The following CNBD1 variants were observed in gnomAD, a reference collection of about 807,000 sequenced individuals.
CNBD1 encodes cyclic nucleotide binding domain containing 1.
CNBD1 carries 71 observed loss-of-function variants against 54.4 expected under a neutral mutation model. The ratio of observed to expected loss-of-function variants is 1.30; its 90% CI spans 1.08 to 1.59. The LOEUF is 1.59. Ranked by LOEUF, CNBD1 falls within the 40% of genes most tolerant of loss-of-function variation. CNBD1 has a pLI of 0.00. For missense variants in CNBD1, 659 were observed against 518.0 expected (o/e 1.27, Z -2.64); for synonymous variants, 182 against 170.7 (o/e 1.07, Z -0.51).
chr8:87,341,224 T>G (rs1810057206), intron 8 of CNBD1, among the ~76,000 whole-genome samples: 2 of 152,096 alleles, frequency 1.3e-5, no homozygotes, highest in Admixed American at 1.3e-4. Context: ...GCACTGGTCC[T>G]CTGGAGAAGC....
chr8:87,362,412 A>T (rs1248918173), intron 10 of CNBD1, among the ~76,000 whole-genome samples: 1 of 152,098 alleles, frequency 6.6e-6, no homozygotes, highest in Non-Finnish European at 1.5e-5. Flanking sequence ...CCCCTTGTTC[A>T]TCCAACAGAC....
chr8:87,123,253 T>C (rs2130717963), intron 4 of CNBD1, among the ~76,000 whole-genome samples: 1 of 151,868 alleles, frequency 6.6e-6, no homozygotes. Context: ...CAGAACATTC[T>C]CCAGGCATAT....
chr8:87,353,497 T>A, intron 9 of CNBD1, 139 bp from the exon 10 acceptor site: 1 of 573,094 alleles, frequency 1.7e-6, no homozygotes, highest in Non-Finnish European at 3.0e-6. Context: ...TAAATTTTTC[T>A]GTAATTTAAA....
chr8:87,180,012 T>C (rs79854056), intron 4 of CNBD1, among the ~76,000 whole-genome samples: 4,928 of 152,260 alleles, frequency 0.032, 294 homozygotes, highest in African/African-American at 0.11. Context: ...ATTTATTTTT[T>C]GTATGAAGAG....
intron 10 of CNBD1, among the ~76,000 whole-genome samples, chr8:87,362,934 C>T (rs980166424): frequency 1.3e-5 from 2 of 151,796 alleles, no homozygotes; most frequent in Non-Finnish European, 2.9e-5. Context: ...AGACACATGC[C>T]GTGGTGGTTT....
chr8:87,197,428 A>T (rs562486257), intron 4 of CNBD1, among the ~76,000 whole-genome samples: 1 of 152,324 alleles, frequency 6.6e-6, no homozygotes, highest in African/African-American at 2.4e-5. Flanking sequence ...CAAGAGGTTT[A>T]ATTTCAGAGT....
intron 4 of CNBD1, among the ~76,000 whole-genome samples, chr8:86,974,658 G>A (rs1365064341): frequency 6.6e-6 from 1 of 151,850 alleles, no homozygotes; most frequent in East Asian, 1.9e-4. Flanking sequence ...GCAAATTATG[G>A]TTAATAATGT....
chr8:87,416,144 C>T (rs1807830257), intron 2 of CNBD1, among the ~76,000 whole-genome samples: 1 of 151,706 alleles, frequency 6.6e-6, no homozygotes, highest in South Asian at 2.1e-4. Context: ...TATCTTCAAA[C>T]CAGATAAAGC....
intron 10 of CNBD1, among the ~76,000 whole-genome samples, chr8:87,360,405 A>T (rs765767813): frequency 6.6e-6 from 1 of 151,850 alleles, no homozygotes; most frequent in Non-Finnish European, 1.5e-5. Context: ...ATTGCCTTGA[A>T]CATCTAAATA....
chr8:87,069,233 C>T (rs531728554), intron 4 of CNBD1, among the ~76,000 whole-genome samples: 1 of 152,116 alleles, frequency 6.6e-6, no homozygotes, highest in African/African-American at 2.4e-5. Flanking sequence ...GCTGTTGTTA[C>T]TGTTTTGAAA....
chr8:87,161,428 A>G lies in CNBD1; in HGVS notation c.432-44565A>G, dbSNP rs113021454. 7.6e-3 allele frequency among the ~76,000 whole-genome samples: 1,162 copies of G among 152,224 alleles called. 14 individuals carry two copies. The highest frequency in any genetic ancestry group is 0.011 in the South Asian group (54 of 4,826). On this transcript the variant is annotated intron_variant, in intron 4 of 10. Transcript: ENST00000518476. ...ATTATGAAAGGAAGACTGATACTTC[A>G]CAATCTGTTCTACACTTCTTAATAA...
rs116341398 is a variant in CNBD1, at chr8:87,343,294, A to G, written c.1043-8391A>G. On this transcript the variant is annotated intron_variant, in intron 8 of 10. Transcript: ENST00000518476. ...GTCAGATTTCATGTTGTTCAAACACACGTTTTACAAACAATTGGTACAGTT... is the reference window on the plus strand; with the variant it reads ...GTCAGATTTCATGTTGTTCAAACACGCGTTTTACAAACAATTGGTACAGTT... 9.6e-3 allele frequency among the ~76,000 whole-genome samples: 1,467 copies of G among 152,302 alleles called. 20 individuals carry two copies. The highest frequency in any genetic ancestry group is 0.032 in the African/African-American group (1,345 of 41,564).
At chr8:86,937,404 C>T (rs73269894) in intron 3 of CNBD1, among the ~76,000 whole-genome samples, 1,967 of 152,186 alleles carry the variant, frequency 0.013, 24 homozygotes, top group South Asian at 0.032. Context: ...AATCTCATGT[C>T]CTCCCATTTC....
At chr8:86,953,054 T>C (rs1369933106) in intron 4 of CNBD1, among the ~76,000 whole-genome samples, 1 of 152,234 alleles carries the variant, frequency 6.6e-6, no homozygotes, top group East Asian at 1.9e-4. Flanking sequence ...CATGTTGTGT[T>C]GCATAACAAT....
At chr8:87,380,010 G>A (rs563650531) in intron 10 of CNBD1, among the ~76,000 whole-genome samples, 42 of 150,018 alleles carry the variant, frequency 2.8e-4, no homozygotes, top group South Asian at 1.7e-3. Flanking sequence ...TCATCCACTG[G>A]TGCCACTTGG....
intron 4 of CNBD1, among the ~76,000 whole-genome samples, chr8:87,154,156 A>G (rs1422046069): frequency 6.6e-6 from 1 of 152,198 alleles, no homozygotes; most frequent in African/African-American, 2.4e-5. Flanking sequence ...TTTAAGATAC[A>G]AAGATTAAAA....
chr8:87,107,264 G>A (rs1264988860), intron 4 of CNBD1, among the ~76,000 whole-genome samples: 1 of 152,156 alleles, frequency 6.6e-6, no homozygotes, highest in African/African-American at 2.4e-5. Context: ...CCTACAAGAA[G>A]GCATATAATG....
At chr8:86,988,159 T>C (rs982656332) in intron 4 of CNBD1, among the ~76,000 whole-genome samples, 1 of 150,326 alleles carries the variant, frequency 6.7e-6, no homozygotes, top group Non-Finnish European at 1.5e-5. Context: ...TTTTTTTTTT[T>C]TTATTACTGA....
chr8:86,900,656 T>C (rs1808918310), intron 2 of CNBD1, among the ~76,000 whole-genome samples: 1 of 152,146 alleles, frequency 6.6e-6, no homozygotes, highest in African/African-American at 2.4e-5. Flanking sequence ...ATCCTAAAGA[T>C]AGGAAGTCCT....
Sources: allele counts gnomAD v4.1 joint callset (sites outside exome capture counted in the v4.1 genomes callset), GRCh38; gene constraint gnomAD v4.1.1; transcripts MANE v1.5; gene names NCBI Gene and HGNC (gene_info 2026-07-23, HGNC 2026-07-21).